TRHDE: variants seen among roughly 807,000 people sequenced by gnomAD.
TRHDE encodes thyrotropin-releasing hormone-degrading ectoenzyme.
TRHDE carries 72 observed loss-of-function variants against 125.7 expected under a neutral mutation model. The observed-to-expected ratio is 0.57, with a 90% CI of 0.47 to 0.70. The LOEUF (loss-of-function observed/expected upper bound fraction) is 0.70, where lower values mean the gene tolerates loss of function less well. Ranked by LOEUF, TRHDE falls within the 30% of genes least tolerant of loss-of-function variation. The probability of loss-of-function intolerance (pLI) is 0.00; values close to 1 mark genes in which losing one functional copy is unlikely to be tolerated. For synonymous variants in TRHDE, 509 were observed against 509.1 expected (o/e 1.00, Z 0.00); for missense variants, 1,110 against 1,327.1 (o/e 0.84, Z 2.54).
chr12:72,475,043 T>A (rs1428870031), intron 5 of TRHDE, among the ~76,000 whole-genome samples: 30 of 152,156 alleles, frequency 2.0e-4, no homozygotes, highest in Non-Finnish European at 1.0e-4. Context: ...ATAACATAAT[T>A]TTAATATCTT....
intron 6 of TRHDE, among the ~76,000 whole-genome samples, chr12:72,511,290 T>A (rs554045396): frequency 6.6e-6 from 1 of 152,306 alleles, no homozygotes; most frequent in South Asian, 2.1e-4. Flanking sequence ...TGTATTTGCA[T>A]ATTTATGTTT....
chr12:72,597,754 T>TGC (rs1872033340), intron 12 of TRHDE, among the ~76,000 whole-genome samples: 1 of 9,284 alleles, frequency 1.1e-4, no homozygotes, highest in African/African-American at 2.7e-4. Context: ...TATATATATA[T>TGC]ATATGCATAC....
chr12:72,305,071 C>T (rs1277604339), intron 2 of TRHDE, among the ~76,000 whole-genome samples: 2 of 151,944 alleles, frequency 1.3e-5, no homozygotes, highest in African/African-American at 4.8e-5. Flanking sequence ...TAGAATACTC[C>T]ACTAGTAAAA....
intron 5 of TRHDE, among the ~76,000 whole-genome samples, chr12:72,478,922 C>CA (rs67346703): frequency 0.6 from 64,135 of 106,648 alleles, 17,549 homozygotes; most frequent in South Asian, 0.69. Context: ...TTTTTTTTAG[C>CA]AAAAAAAAAA....
intron 2 of TRHDE, among the ~76,000 whole-genome samples, chr12:72,198,177 T>C (rs572041109): frequency 1.3e-3 from 203 of 152,278 alleles, no homozygotes; most frequent in Non-Finnish European, 1.7e-3. Context: ...TATTGTATTG[T>C]ATGAATATAC....
intron 15 of TRHDE, among the ~76,000 whole-genome samples, chr12:72,635,643 G>A (rs1336796567): frequency 1.1e-4 from 16 of 151,306 alleles, no homozygotes; most frequent in South Asian, 6.3e-4. Context: ...TAGGTCTAAC[G>A]TTTAAGTCTT....
intron 1 of TRHDE, among the ~76,000 whole-genome samples, chr12:72,090,128 C>A (rs541748139): frequency 8.5e-5 from 13 of 152,054 alleles, no homozygotes; most frequent in Non-Finnish European, 1.6e-4. Flanking sequence ...GATTGTGACC[C>A]AAAAATAAAC....
intron 7 of TRHDE, among the ~76,000 whole-genome samples, chr12:72,558,373 G>A (rs927884429): frequency 7.9e-5 from 12 of 152,160 alleles, no homozygotes; most frequent in Middle Eastern, 3.2e-3. Flanking sequence ...GTAGAGAATT[G>A]CATGTGCAGA....
chr12:72,459,705 G>C (rs919130505), intron 3 of TRHDE, among the ~76,000 whole-genome samples: 1 of 151,874 alleles, frequency 6.6e-6, no homozygotes, highest in Non-Finnish European at 1.5e-5. Context: ...CTGCAGCCTC[G>C]ACCTCCTGGG....
In TRHDE at chr12:72,125,654, C is replaced by T. The variant is rs143352453; in HGVS notation, n.279+19902C>T. On this transcript the variant is annotated intron_variant and non_coding_transcript_variant, in intron 2 of 4. Coordinates refer to the TRHDE transcript ENST00000548156. ...TTAAAGTATGTAGCATTTTTTAATG[C>T]TTTTAAAATCTACATAAATGATTTC... is the stretch of plus-strand genomic sequence containing the variant. Among the ~76,000 whole-genome samples the T allele has an allele frequency of 1.4e-4, 21 of 152,082 alleles. 1 individual carries two copies. The East Asian group carries it at 3.3e-3, about 24-fold the overall frequency.
intron 12 of TRHDE, among the ~76,000 whole-genome samples, chr12:72,595,734 A>G (rs1871911108): frequency 6.6e-6 from 1 of 152,118 alleles, no homozygotes. Context: ...CCATCTCCAA[A>G]ATGTGGATAA....
chr12:72,224,166 G>GTATGTATC lies in TRHDE; in HGVS notation n.279+118417_279+118418insGTATCTAT, dbSNP rs1406586507. ...TTTATCTATGTATGTATGTATGTATGTATCTATCTATCTATCTATCTATCT... is the reference window on the plus strand; with the variant it reads ...TTTATCTATGTATGTATGTATGTATGTATGTATCTATCTATCTATCTATCTATCTATCT... On this transcript the variant is annotated intron_variant and non_coding_transcript_variant, in intron 2 of 4. Transcript: ENST00000548156. Among the ~76,000 whole-genome samples the GTATGTATC allele has an allele frequency of 6.1e-3, 383 of 62,638 alleles. 7 individuals are homozygous for GTATGTATC. The highest frequency in any genetic ancestry group is 0.023 in the East Asian group (78 of 3,328). 41.1% of individuals were successfully genotyped at this position (62,638 alleles called of 152,430 possible).
chr12:72,221,428 A>T (rs573557660), intron 2 of TRHDE, among the ~76,000 whole-genome samples: 1 of 152,118 alleles, frequency 6.6e-6, no homozygotes, highest in South Asian at 2.1e-4. Context: ...TTTTTTGTTT[A>T]TTTATCTTCA....
At chr12:72,438,326 A>G (rs965940900) in intron 3 of TRHDE, among the ~76,000 whole-genome samples, 2 of 151,732 alleles carry the variant, frequency 1.3e-5, no homozygotes, top group Non-Finnish European at 2.9e-5. Context: ...TGGTAGTTCT[A>G]TTTTTAATTT....
At chr12:72,474,630 C>T (rs1025699308) in intron 5 of TRHDE, among the ~76,000 whole-genome samples, 29 of 152,200 alleles carry the variant, frequency 1.9e-4, no homozygotes, top group African/African-American at 6.5e-4. Context: ...TATTCTCTTG[C>T]GTGTATACAC....
Position 72,330,726 on chromosome 12 carries a change from G to A in TRHDE, c.1188+43772G>A, listed in dbSNP as rs144843113. The stretch of plus-strand genomic sequence containing the variant: ...TAGGAAAATAAAGTACTTTCAGAGC[G>A]AAAATAATATCCTATTAAAAATAAT... On this transcript the variant is annotated intron_variant, in intron 2 of 18. Transcript: ENST00000261180. Among the ~76,000 whole-genome samples, 937 of 152,256 alleles carry A rather than the reference G, an allele frequency of 6.2e-3. 11 individuals are homozygous for A. Among genetic ancestry groups the A allele is most frequent in the African/African-American group, 0.021 (881 of 41,528 alleles).
chr12:72,091,665 G>A (rs973179921), intron 1 of TRHDE, among the ~76,000 whole-genome samples: 1 of 152,138 alleles, frequency 6.6e-6, no homozygotes, highest in Non-Finnish European at 1.5e-5. Flanking sequence ...ACCACTGGGG[G>A]CTATATAAGT....
chr12:72,520,871 G>A (rs191304612), intron 6 of TRHDE, among the ~76,000 whole-genome samples: 1 of 152,148 alleles, frequency 6.6e-6, no homozygotes, highest in Admixed American at 6.5e-5. Flanking sequence ...AGATAAAACT[G>A]GTATTAACTT....
At chr12:72,268,163 T>C (rs1565677147), upstream of TRHDE, among the ~76,000 whole-genome samples, 1 of 152,132 alleles carries the variant, frequency 6.6e-6, no homozygotes, top group East Asian at 1.9e-4. Flanking sequence ...ACCATTCTTT[T>C]TTCATATTGG....
Sources: allele counts gnomAD v4.1 joint callset (sites outside exome capture counted in the v4.1 genomes callset), GRCh38; gene constraint gnomAD v4.1.1; transcripts MANE v1.5; gene names NCBI Gene and HGNC (gene_info 2026-07-23, HGNC 2026-07-21).